Variants in MARK1 observed in about 807,000 individuals in gnomAD.
The protein encoded by MARK1 is serine/threonine-protein kinase MARK1.
MARK1 carries 40 observed loss-of-function variants against 96.3 expected under a neutral mutation model. That is an observed-to-expected ratio of 0.42 (90% CI 0.32 to 0.54). MARK1 has a LOEUF of 0.54. MARK1 is among the 20% of genes least tolerant of loss of function. The pLI is 0.16. For synonymous variants in MARK1, 317 were observed against 341.2 expected, an observed-to-expected ratio of 0.93 and a Z score of 0.78; for missense variants, 719 against 984.6, an observed-to-expected ratio of 0.73 and a Z score of 3.61.
At chr1:220,571,756 A>G (rs551416243) in intron 1 of MARK1, 2 of 152,278 alleles carry the variant, frequency 1.3e-5, no homozygotes, top group South Asian at 2.1e-4. Context: ...GGGTCTCACT[A>G]TGTTGCCCAG....
At chr1:220,624,171 G>A (rs1370018815) in intron 9 of MARK1, among the ~76,000 whole-genome samples, 34 of 151,632 alleles carry the variant, frequency 2.2e-4, no homozygotes, top group Admixed American at 1.6e-3. Context: ...GGTGGCGAGC[G>A]CCTGTAATCC....
intron 13 of MARK1, among the ~76,000 whole-genome samples, chr1:220,648,111 ATTTCT>A (rs1304878102): frequency 3.9e-5 from 6 of 152,030 alleles, no homozygotes; most frequent in African/African-American, 4.8e-5. Context: ...GGAAGAAGAG[ATTTCT>A]TTTAGGAAGA....
intron 11 of MARK1, 52 bp from the exon 12 acceptor site, chr1:220,635,324 C>CT (rs71794752): frequency 0.015 from 17,762 of 1,153,068 alleles, 3 homozygotes; most frequent in Non-Finnish European, 0.017. Context: ...TTTGTGCAAA[C>CT]TTTTTTTTTT....
intron 3 of MARK1, among the ~76,000 whole-genome samples, chr1:220,590,963 T>G (rs1664944508): frequency 6.6e-6 from 1 of 152,190 alleles, no homozygotes; most frequent in Non-Finnish European, 1.5e-5. Context: ...CCAGTTAAAG[T>G]TCTGATTAGA....
intron 6 of MARK1, among the ~76,000 whole-genome samples, chr1:220,608,469 T>C (rs1572168101): frequency 6.6e-6 from 1 of 152,120 alleles, no homozygotes; most frequent in Admixed American, 6.5e-5. Context: ...GTCTTGCTAC[T>C]GGTCTATCAA....
intron 1 of MARK1, among the ~76,000 whole-genome samples, chr1:220,576,132 A>T (rs1663829909): frequency 1.4e-5 from 2 of 146,974 alleles, no homozygotes; most frequent in Non-Finnish European, 3.0e-5. Context: ...TAAAATAACG[A>T]TAGCATTGTG....
At chr1:220,603,393 C>T (rs948337243) in intron 5 of MARK1, among the ~76,000 whole-genome samples, 6 of 152,078 alleles carry the variant, frequency 3.9e-5, no homozygotes, top group South Asian at 4.1e-4. Context: ...CTATCCACTT[C>T]GTGTTCTGCC....
chr1:220,631,060 A>G lies in MARK1; in HGVS notation c.935A>G (p.Asn312Ser). 6.2e-7 allele frequency: 1 copy of G among 1,612,586 alleles called. No individual in the cohort carries two copies. The highest frequency in any genetic ancestry group is 8.5e-7 in the Non-Finnish European group (1 of 1,178,850). ...LEQIMKDRWM[N>S]VGHEEEELKP... ...CAAATAATGAAAGATCGATGGATGAATGTTGGTCATGAAGAGGAAGAACTA... is the reference window on the plus strand; with the variant it reads ...CAAATAATGAAAGATCGATGGATGAGTGTTGGTCATGAAGAGGAAGAACTA... Residue 312 changes from asparagine (N) to serine (S), a missense_variant, in exon 10 of 18, where the codon AAT becomes AGT. Transcript: ENST00000366917.
intron 1 of MARK1, among the ~76,000 whole-genome samples, chr1:220,561,197 G>A (rs1662645913): frequency 6.6e-6 from 1 of 152,172 alleles, no homozygotes; most frequent in South Asian, 2.1e-4. Flanking sequence ...GTTAAAGAAA[G>A]CTTTGAATAT....
At chr1:220,560,150 C>G (rs918224816) in intron 1 of MARK1, among the ~76,000 whole-genome samples, 1 of 152,092 alleles carries the variant, frequency 6.6e-6, no homozygotes, top group African/African-American at 2.4e-5. Flanking sequence ...TATTCACTAC[C>G]ATGAGAACAG....
intron 13 of MARK1, among the ~76,000 whole-genome samples, chr1:220,646,208 A>G (rs1668566003): frequency 6.6e-6 from 1 of 152,210 alleles, no homozygotes; most frequent in African/African-American, 2.4e-5. Flanking sequence ...AACTATATCA[A>G]AGTCTCAGGA....
intron 13 of MARK1, among the ~76,000 whole-genome samples, chr1:220,643,632 C>T (rs1298223551): frequency 6.6e-6 from 1 of 152,032 alleles, no homozygotes; most frequent in Non-Finnish European, 1.5e-5. Flanking sequence ...TCAGATTCTC[C>T]AAGGTCAAAA....
rs191778160 is a variant in MARK1 at position 220,541,650 on chromosome 1, G to A, written c.51+12777G>A. Among the ~76,000 whole-genome samples the A allele has an allele frequency of 2.8e-4, 43 of 152,206 alleles. 1 individual carries two copies. The highest frequency in any genetic ancestry group is 1.5e-3 in the South Asian group (7 of 4,820). On this transcript the variant is annotated intron_variant, in intron 1 of 17. Coordinates refer to ENST00000366917, the MANE Select transcript of MARK1 (RefSeq NM_018650.5). ...CATGAATTGATGCTTTTATCACTAC[G>A]TAATATTCTTCTTTGTCTGTTGTGA...
intron 1 of MARK1, among the ~76,000 whole-genome samples, chr1:220,574,312 T>A (rs1039504878): frequency 6.6e-6 from 1 of 152,262 alleles, no homozygotes; most frequent in Non-Finnish European, 1.5e-5. Flanking sequence ...ACTGCCTTGT[T>A]CTAATGTGTT....
chr1:220,633,081 C>T (rs1407970095), intron 11 of MARK1, among the ~76,000 whole-genome samples: 1 of 152,048 alleles, frequency 6.6e-6, no homozygotes, highest in African/African-American at 2.4e-5. Context: ...GGAGGTGCCA[C>T]GCTCTTTTAA....
intron 9 of MARK1, among the ~76,000 whole-genome samples, chr1:220,622,483 A>G (rs1190843699): frequency 6.6e-6 from 1 of 152,256 alleles, no homozygotes; most frequent in African/African-American, 2.4e-5. Flanking sequence ...CAATTAATTC[A>G]TAATTTTTTA....
At chr1:220,626,871 C>T in intron 9 of MARK1, 1 of 456,304 alleles carries the variant, frequency 2.2e-6, no homozygotes, top group Middle Eastern at 5.6e-4. Flanking sequence ...TGGAATTTGT[C>T]AAGAGCTTTA....
chr1:220,590,714 T>C (rs1485395242), intron 3 of MARK1, among the ~76,000 whole-genome samples: 1 of 152,140 alleles, frequency 6.6e-6, no homozygotes, highest in African/African-American at 2.4e-5. Context: ...CAATATACCA[T>C]GTAAAACATC....
At chr1:220,530,724 G>T (rs1275252515) in intron 1 of MARK1, among the ~76,000 whole-genome samples, 7 of 152,138 alleles carry the variant, frequency 4.6e-5, no homozygotes, top group Non-Finnish European at 1.0e-4. Context: ...AAATTTTGTT[G>T]TGAGTACCTT....
Sources: gnomAD v4.1 joint callset for allele counts (sites outside exome capture counted in the v4.1 genomes callset) on GRCh38, gnomAD v4.1.1 for gene constraint, MANE v1.5 for transcripts, NCBI Gene and HGNC (gene_info 2026-07-23, HGNC 2026-07-21) for gene names.